GNB1: variants seen among roughly 807,000 people sequenced by gnomAD.
GNB1 encodes the protein G protein subunit beta 1, also known as guanine nucleotide-binding protein G(I)/G(S)/G(T) subunit beta-1.
GNB1 carries 2 observed loss-of-function variants against 42.9 expected under a neutral mutation model. That is an observed-to-expected ratio of 0.05 (90% CI 0.02 to 0.15). GNB1 has a LOEUF of 0.15. Ranked by LOEUF, GNB1 falls within the 10% of genes least tolerant of loss-of-function variation. The pLI, the probability that GNB1 is intolerant of heterozygous loss-of-function variation, is 1.00. For missense variants in GNB1, 193 were observed against 462.2 expected (o/e 0.42, Z 5.34); for synonymous variants, 183 against 174.7 (o/e 1.05, Z -0.38).
intron 1 of GNB1, among the ~76,000 whole-genome samples, chr1:1,882,488 A>G (rs1344514009): frequency 6.6e-6 from 1 of 151,218 alleles, no homozygotes; most frequent in Non-Finnish European, 1.5e-5. Flanking sequence ...TAAACAAATC[A>G]CCATTACAGT....
At chr1:1,859,685 G>A (rs1372841427) in intron 1 of GNB1, among the ~76,000 whole-genome samples, 1 of 134,592 alleles carries the variant, frequency 7.4e-6, no homozygotes, top group Non-Finnish European at 1.6e-5. Flanking sequence ...AGAGGAAGGA[G>A]AAGTGGGGTG....
intron 1 of GNB1, among the ~76,000 whole-genome samples, chr1:1,840,257 C>T (rs1390898167): frequency 6.7e-6 from 1 of 150,218 alleles, no homozygotes; most frequent in African/African-American, 2.4e-5. Context: ...AGCTAGGTAC[C>T]GTGGCTCCTG....
chr1:1,785,925 G>A lies in GNB1; in HGVS notation c.*1138C>T, dbSNP rs777554737. 4 of 398,650 alleles carry A rather than the reference G, an allele frequency of 1.0e-5. No individual in the cohort carries two copies. Among genetic ancestry groups the A allele is most frequent in the South Asian group, 1.3e-4 (1 of 7,838 alleles). 24.7% of individuals were successfully genotyped at this position (398,650 alleles called of 1,614,324 possible). A position where few individuals can be genotyped will look rare whatever the true frequency, so the allele number is the denominator to read the frequency against. ...GCAGCAACGAGAAGTGGACAGAGCC[G>A]CAATGGTTACAACTGTAAGAGGTTA... On this transcript the variant is annotated 3_prime_UTR_variant, in exon 12 of 12. Transcript: ENST00000378609.
chr1:1,812,807 T>A (rs1047377446), intron 5 of GNB1, among the ~76,000 whole-genome samples: 3 of 151,732 alleles, frequency 2.0e-5, no homozygotes, highest in Non-Finnish European at 4.4e-5. Context: ...CATGCAAGGA[T>A]CTGGCGCCCA....
intron 7 of GNB1, among the ~76,000 whole-genome samples, chr1:1,801,831 C>A (rs1646630525): frequency 1.3e-5 from 2 of 152,054 alleles, no homozygotes; most frequent in Non-Finnish European, 2.9e-5. Flanking sequence ...CAGAAAAAAC[C>A]AAGACCCAAC....
intron 1 of GNB1, among the ~76,000 whole-genome samples, chr1:1,863,763 A>G (rs1648761353): frequency 6.6e-6 from 1 of 152,234 alleles, no homozygotes; most frequent in South Asian, 2.1e-4. Flanking sequence ...AAGTTGGAAA[A>G]ATTCAGAAAA....
At chr1:1,853,613 G>GA (rs1648105421) in intron 1 of GNB1, among the ~76,000 whole-genome samples, 1 of 152,138 alleles carries the variant, frequency 6.6e-6, no homozygotes, top group Admixed American at 6.6e-5. Flanking sequence ...ACAAAATATA[G>GA]AAAGTACCCT....
chr1:1,824,209 C>T (rs956263554), intron 3 of GNB1, among the ~76,000 whole-genome samples: 4 of 152,188 alleles, frequency 2.6e-5, no homozygotes, highest in African/African-American at 9.7e-5. Context: ...TTACTCTTCA[C>T]ATCAGCAGTT....
At chr1:1,817,673 T>C in intron 4 of GNB1, 164 bp downstream of exon 4, 2 of 550,378 alleles carry the variant, frequency 3.6e-6, no homozygotes, top group Non-Finnish European at 6.6e-6. Flanking sequence ...AGCCCCTCTA[T>C]TTCCTATGCC....
At chr1:1,835,796 G>C (rs996018092) in intron 2 of GNB1, among the ~76,000 whole-genome samples, 16 of 151,958 alleles carry the variant, frequency 1.1e-4, no homozygotes, top group African/African-American at 3.6e-4. Context: ...TGCCAGGCCA[G>C]GTGCAGTGAC....
chr1:1,824,578 A>AT lies in GNB1; in HGVS notation c.57+818dup, dbSNP rs555144782. Among the ~76,000 whole-genome samples the AT allele has an allele frequency of 2.3e-3, 337 of 149,642 alleles. 1 individual carries two copies. Among genetic ancestry groups the AT allele is most frequent in the Admixed American group, 7.4e-3 (110 of 14,926 alleles). On this transcript the variant is annotated intron_variant, in intron 3 of 11. Coordinates refer to ENST00000378609, the MANE Select transcript of GNB1 (RefSeq NM_002074.5). ...CACACGGTAAATAAATTTATCTTCA[A>AT]TTTTTTTTTTATTTTTCAGGGTCTC...
At chr1:1,849,207 T>C (rs573374809) in intron 1 of GNB1, among the ~76,000 whole-genome samples, 2 of 152,198 alleles carry the variant, frequency 1.3e-5, no homozygotes, top group Admixed American at 1.3e-4. Flanking sequence ...AGAGACTCCA[T>C]GGGGAGAGGG....
At chr1:1,853,715 G>A (rs1557929780) in intron 1 of GNB1, among the ~76,000 whole-genome samples, 1 of 152,064 alleles carries the variant, frequency 6.6e-6, no homozygotes, top group Non-Finnish European at 1.5e-5. Context: ...ATGTCTTCAG[G>A]CTATTTAGAA....
chr1:1,826,937 G>A (rs1203949826), intron 2 of GNB1, among the ~76,000 whole-genome samples: 1 of 152,164 alleles, frequency 6.6e-6, no homozygotes, highest in African/African-American at 2.4e-5. Flanking sequence ...CAAAGCTGAG[G>A]ACACAGTTGC....
In GNB1 at chr1:1,787,160, G is replaced by A; in HGVS notation, c.*10-107C>T. 1 of 546,830 alleles carries A rather than the reference G, an allele frequency of 1.8e-6. No homozygotes were observed. Among genetic ancestry groups the A allele is most frequent in the East Asian group, 3.2e-5 (1 of 30,838 alleles). The allele number at this position is 546,830 out of a possible 1,614,324, so 33.9% of individuals were successfully genotyped here. Reference sequence around the variant, plus strand: ...CATCACTGCATGAGTGTCTGCAGCTGAGGGCACGTGACTTCAGCTTTCTGT... The same window carrying A: ...CATCACTGCATGAGTGTCTGCAGCTAAGGGCACGTGACTTCAGCTTTCTGT... On this transcript the variant is annotated intron_variant, in intron 11 of 11. Transcript: ENST00000378609. The surrounding 1 kb of genome is among the most constrained non-coding windows in gnomAD (Gnocchi z 4.4).
intron 7 of GNB1, among the ~76,000 whole-genome samples, chr1:1,797,681 C>T (rs1391477322): frequency 1.3e-5 from 2 of 152,240 alleles, no homozygotes; most frequent in Non-Finnish European, 2.9e-5. Context: ...AGGTGATCCA[C>T]CTGCCTCAGC....
In GNB1 at chr1:1,786,201, G is replaced by C; in HGVS notation, c.*862C>G. On this transcript the variant is annotated 3_prime_UTR_variant, in exon 12 of 12. Coordinates refer to ENST00000378609, the MANE Select transcript of GNB1 (RefSeq NM_002074.5). ...TTGAAAACAGAGGTTCCTCCTAGTT[G>C]GGGGTGGGGTAGTGTTAGGCTATTA... 2.5e-6 allele frequency: 1 copy of C among 397,132 alleles called. No individual in the cohort carries two copies. The highest frequency in any genetic ancestry group is 4.4e-6 in the Non-Finnish European group (1 of 225,316). 24.6% of individuals were successfully genotyped at this position (397,132 alleles called of 1,614,324 possible). A position where few individuals can be genotyped will look rare whatever the true frequency, so the allele number is the denominator to read the frequency against.
intron 1 of GNB1, among the ~76,000 whole-genome samples, chr1:1,880,301 TC>T (rs1649769655): frequency 6.6e-6 from 1 of 152,202 alleles, no homozygotes; most frequent in Non-Finnish European, 1.5e-5. Context: ...TCAAATAACA[TC>T]TTAATATGAT....
intron 1 of GNB1, among the ~76,000 whole-genome samples, chr1:1,864,738 ATT>A (rs1648828623): frequency 6.6e-6 from 1 of 152,170 alleles, no homozygotes; most frequent in African/African-American, 2.4e-5. Context: ...TCGTTCTGCA[ATT>A]TATAACTAAG....
Sources: gnomAD v4.1 joint callset for allele counts (sites outside exome capture counted in the v4.1 genomes callset) on GRCh38, gnomAD v4.1.1 for gene constraint, Gnocchi (gnomAD v3.1) non-coding constraint, MANE v1.5 for transcripts, NCBI Gene and HGNC (gene_info 2026-07-23, HGNC 2026-07-21) for gene names.